The following CACNB4 variants were observed in gnomAD, a reference collection of about 807,000 sequenced individuals.
CACNB4 encodes calcium voltage-gated channel auxiliary subunit beta 4.
Under a neutral mutation model 71.2 loss-of-function variants are expected in CACNB4, and 32 were observed. The observed-to-expected ratio is 0.45, with a 90% confidence interval of 0.34 to 0.60. CACNB4 has a LOEUF of 0.60. Ranked by LOEUF, CACNB4 falls within the 20% of genes least tolerant of loss-of-function variation. CACNB4 has a pLI of 0.01. For synonymous variants in CACNB4, 231 were observed against 236.9 expected (o/e 0.97, Z 0.23); for missense variants, 464 against 647.9 (o/e 0.72, Z 3.08).
intron 2 of CACNB4, among the ~76,000 whole-genome samples, chr2:152,064,203 G>C (rs968016607): frequency 1.3e-5 from 2 of 152,160 alleles, no homozygotes; most frequent in African/African-American, 2.4e-5. Flanking sequence ...TGCATGAAGG[G>C]AGCCATGGAC....
In CACNB4 at chr2:151,836,800, A is replaced by G. The variant is rs1346169892; in HGVS notation, c.*2319T>C. ...CTTGATGACTAGGAAATATATTTAA[A>G]TGCTGTTACAGCTACCTGCCATAAA... On this transcript the variant is annotated 3_prime_UTR_variant, in exon 14 of 14. Coordinates refer to ENST00000539935, the MANE Select transcript of CACNB4 (RefSeq NM_000726.5). The G allele has an allele frequency of 6.6e-6, 1 of 151,970 alleles. No individual in the cohort carries two copies. Among genetic ancestry groups the G allele is most frequent in the Non-Finnish European group, 1.5e-5 (1 of 67,826 alleles). The allele number at this position is 151,970 out of a possible 1,614,324, so 9.4% of individuals were successfully genotyped here.
At chr2:151,873,985 A>C (rs1262235689) in intron 5 of CACNB4, 1 of 152,148 alleles carries the variant, frequency 6.6e-6, no homozygotes, top group Non-Finnish European at 1.5e-5. Context: ...GATTGTTTAA[A>C]AGTGTGTGGC....
At chr2:151,999,440 G>A (rs989491072) in intron 2 of CACNB4, among the ~76,000 whole-genome samples, 1 of 151,792 alleles carries the variant, frequency 6.6e-6, no homozygotes, top group African/African-American at 2.4e-5. Context: ...GGATGAAAAG[G>A]AAATAAATAC....
At chr2:152,012,082 T>C (rs993498119) in intron 2 of CACNB4, among the ~76,000 whole-genome samples, 1 of 136,476 alleles carries the variant, frequency 7.3e-6, no homozygotes, top group Non-Finnish European at 1.5e-5. Context: ...TTTTAGAGTA[T>C]ACTCCTTCTA....
intron 2 of CACNB4, among the ~76,000 whole-genome samples, chr2:152,031,827 T>C (rs575159786): frequency 4.6e-5 from 7 of 152,218 alleles, no homozygotes; most frequent in Non-Finnish European, 1.0e-4. Flanking sequence ...ATTATCCATA[T>C]TTTTGAAAAC....
chr2:151,859,869 T>G (rs975419845), intron 10 of CACNB4: 1 of 152,260 alleles, frequency 6.6e-6, no homozygotes. Context: ...TGTTAGGGCA[T>G]GCACTCTGTC....
At position 152,086,765 on chromosome 2, in the gene CACNB4, C is replaced by G. The variant is rs532210993; in HGVS notation, c.147+11565G>C. On this transcript the variant is annotated intron_variant, in intron 2 of 13. Coordinates refer to ENST00000539935, the MANE Select transcript of CACNB4 (RefSeq NM_000726.5). Reference sequence around the variant, plus strand: ...ATCACATCCTATTATAAAAACCACCCCCCTCTATAGATGGGAGCCACTCCA... The same window carrying G: ...ATCACATCCTATTATAAAAACCACCGCCCTCTATAGATGGGAGCCACTCCA... Among the ~76,000 whole-genome samples the G allele has an allele frequency of 3.9e-5, 6 of 152,252 alleles. No homozygotes were observed. In the East Asian group the frequency reaches 9.6e-4, roughly 24 times the overall value.
chr2:151,958,670 C>A (rs993274913), intron 2 of CACNB4, among the ~76,000 whole-genome samples: 1 of 152,200 alleles, frequency 6.6e-6, no homozygotes, highest in Non-Finnish European at 1.5e-5. Flanking sequence ...TCCTCTCCAT[C>A]CCCACTACTG....
intron 2 of CACNB4, among the ~76,000 whole-genome samples, chr2:152,016,518 T>C (rs527810042): frequency 1.3e-5 from 2 of 152,224 alleles, no homozygotes; most frequent in Non-Finnish European, 2.9e-5. Context: ...ATGAGTCTCA[T>C]CGTTTGAGGC....
chr2:151,990,663 T>C (rs1681656842), intron 2 of CACNB4, among the ~76,000 whole-genome samples: 1 of 152,216 alleles, frequency 6.6e-6, no homozygotes, highest in Non-Finnish European at 1.5e-5. Flanking sequence ...AGTGAACACA[T>C]TCTGATCCCT....
In CACNB4 at chr2:151,929,099, G is replaced by A. The variant is rs531251055; in HGVS notation, c.148-45729C>T. Among the ~76,000 whole-genome samples, 372 of 152,064 alleles carry A rather than the reference G, an allele frequency of 2.4e-3. 3 individuals carry two copies. The highest frequency in any genetic ancestry group is 6.8e-3 in the Middle Eastern group (2 of 294). ...GCTACCTACTGTCATTCCATCTAAGGCTGAAAAGCCATCACAGTGCTTACA... is the reference window on the plus strand; with the variant it reads ...GCTACCTACTGTCATTCCATCTAAGACTGAAAAGCCATCACAGTGCTTACA... On this transcript the variant is annotated intron_variant, in intron 2 of 13. Transcript: ENST00000539935.
intron 2 of CACNB4, among the ~76,000 whole-genome samples, chr2:151,951,358 G>A (rs953425513): frequency 6.6e-6 from 1 of 151,212 alleles, no homozygotes; most frequent in African/African-American, 2.4e-5. Flanking sequence ...CCCTCTAATC[G>A]ATCTCTGATG....
At chr2:151,937,400 A>G (rs2099863180) in intron 2 of CACNB4, among the ~76,000 whole-genome samples, 1 of 152,194 alleles carries the variant, frequency 6.6e-6, no homozygotes, top group South Asian at 2.1e-4. Flanking sequence ...GCTTTTTTTC[A>G]GCTATTAACT....
intron 2 of CACNB4, among the ~76,000 whole-genome samples, chr2:151,924,117 C>T (rs532074948): frequency 1.5e-3 from 170 of 115,694 alleles, no homozygotes; most frequent in Non-Finnish European, 2.0e-3. Flanking sequence ...CTCGCTCTGT[C>T]GCCCAGGCTG....
chr2:151,953,015 C>A (rs146217059), intron 2 of CACNB4, among the ~76,000 whole-genome samples: 2 of 152,066 alleles, frequency 1.3e-5, no homozygotes, highest in Admixed American at 6.5e-5. Flanking sequence ...TATATGTTTA[C>A]GGAGAGGAAA....
At chr2:152,014,356 A>T (rs1245648424) in intron 2 of CACNB4, among the ~76,000 whole-genome samples, 2 of 151,436 alleles carry the variant, frequency 1.3e-5, no homozygotes, top group Admixed American at 1.3e-4. Context: ...CAAAAACAAA[A>T]ACAAAAGAGT....
chr2:151,901,284 T>G (rs189092068), intron 2 of CACNB4, among the ~76,000 whole-genome samples: 53 of 152,238 alleles, frequency 3.5e-4, no homozygotes, highest in Middle Eastern at 3.4e-3. Flanking sequence ...TGCCTGGCCT[T>G]TTCATGATTT....
At chr2:151,874,454 C>T (rs1406678550) in intron 5 of CACNB4, among the ~76,000 whole-genome samples, 1 of 140,716 alleles carries the variant, frequency 7.1e-6, no homozygotes, top group South Asian at 2.2e-4. Flanking sequence ...GGCGACAGAG[C>T]GAGACTCTAA....
At chr2:152,090,336 A>T (rs775418695) in intron 2 of CACNB4, among the ~76,000 whole-genome samples, 3 of 152,246 alleles carry the variant, frequency 2.0e-5, no homozygotes, top group Non-Finnish European at 4.4e-5. Flanking sequence ...ATTTCCACAC[A>T]GCTTCCTATA....
Sources: gnomAD v4.1 joint callset for allele counts (sites outside exome capture counted in the v4.1 genomes callset) on GRCh38, gnomAD v4.1.1 for gene constraint, MANE v1.5 for transcripts, NCBI Gene and HGNC (gene_info 2026-07-23, HGNC 2026-07-21) for gene names.